The following TONSL variants were observed in gnomAD, a reference collection of about 807,000 sequenced individuals.
TONSL encodes the protein tonsoku like, DNA repair protein, also known as tonsoku-like protein.
TONSL carries 112 observed loss-of-function variants against 147.1 expected under a neutral mutation model. The observed-to-expected ratio is 0.76, with a 90% confidence interval of 0.65 to 0.89. TONSL has a LOEUF of 0.89. Ranked by LOEUF, TONSL falls within the 40% of genes least tolerant of loss-of-function variation. The pLI is 0.00. For missense variants in TONSL, 1,883 were observed against 1,864.6 expected, an observed-to-expected ratio of 1.01 and a Z score of -0.18; for synonymous variants, 868 against 801.5, an observed-to-expected ratio of 1.08 and a Z score of -1.40.
intron 2 of TONSL, 67 bp from the exon 3 acceptor site, chr8:144,444,091 G>C: frequency 7.5e-7 from 1 of 1,331,226 alleles, no homozygotes; most frequent in Non-Finnish European, 9.6e-7. Flanking sequence ...GGCGGCGTCT[G>C]CCGGAAGAGC....
rs771962843 is a variant in TONSL at position 144,435,587 on chromosome 8, A to C, written c.2776-37T>G. Reference sequence around the variant, plus strand: ...AGGCAGCAGGGCTGAGTCAGGAGCCACAGTGGGCTCCACCCTACACCTGCC... The same window carrying C: ...AGGCAGCAGGGCTGAGTCAGGAGCCCCAGTGGGCTCCACCCTACACCTGCC... On this transcript the variant is annotated intron_variant, in intron 17 of 25. Coordinates refer to ENST00000409379, the MANE Select transcript of TONSL (RefSeq NM_013432.5). 1.3e-5 allele frequency: 20 copies of C among 1,564,274 alleles called. No homozygotes were observed. In the African/African-American group the frequency reaches 2.6e-4, roughly 20 times the overall value.
chr8:144,440,089 G>C lies in TONSL; in HGVS notation c.1412C>G (p.Ala471Gly). The change falls in exon 11 of 26, where the codon GCG becomes GGG. Residue 471 changes from alanine (A) to glycine (G), a missense_variant. Coordinates refer to ENST00000409379, the MANE Select transcript of TONSL (RefSeq NM_013432.5). ...VAEDEDEEEE[A>G]EEAAATAESE... ...CTCCGCTGTGGCTGCCGCCTCCTCC[G>C]CCTCCTCCTCCTCATCTTCATCTTC... 1.9e-6 allele frequency: 3 copies of C among 1,605,098 alleles called. No individual in the cohort carries two copies. The highest frequency in any genetic ancestry group is 2.6e-6 in the Non-Finnish European group (3 of 1,173,642).
In TONSL at chr8:144,436,928, C is replaced by T; in HGVS notation, c.1727-8G>A. The T allele has an allele frequency of 2.5e-6, 4 of 1,609,382 alleles. No individual in the cohort carries two copies. Among genetic ancestry groups the T allele is most frequent in the Non-Finnish European group, 3.4e-6 (4 of 1,178,850 alleles). On this transcript the variant is annotated splice_polypyrimidine_tract_variant and splice_region_variant and intron_variant, in intron 14 of 25. Coordinates refer to ENST00000409379, the MANE Select transcript of TONSL (RefSeq NM_013432.5). ...GCAGGAAGCGGACAATTTCTGCAGA[C>T]CAGGAGACGTAAGCCCAGCTCCCGA...
chr8:144,439,160 A>G (rs1823602332), intron 11 of TONSL, among the ~76,000 whole-genome samples: 1 of 151,804 alleles, frequency 6.6e-6, no homozygotes, highest in African/African-American at 2.4e-5. Flanking sequence ...TCAGCCCTGG[A>G]GCCTGGGTAT....
At chr8:144,439,802 C>T (rs1232449122) in intron 11 of TONSL, 4 of 546,702 alleles carry the variant, frequency 7.3e-6, no homozygotes, top group Non-Finnish European at 1.3e-5. Flanking sequence ...GACACTCACT[C>T]GACTCCCAAC....
rs1823447464 is a variant in TONSL at position 144,436,163 on chromosome 8, T to C, written c.2270A>G (p.Gln757Arg). 1.9e-6 allele frequency: 3 copies of C among 1,574,916 alleles called. No individual in the cohort carries two copies. The highest frequency in any genetic ancestry group is 1.7e-4 in the Middle Eastern group (1 of 6,000). ...TGTGGCCGAGCACCGAGGCCTCTTC[T>C]GGGACGGCCGTGCGGGGCCTGCGCT... ...EDSAGPARPS[Q>R]KRPRCSATAQ... Residue 757 changes from glutamine to arginine, a missense_variant, in exon 17 of 26, where the codon CAG becomes CGG. Transcript: ENST00000409379.
intron 16 of TONSL, 51 bp from the exon 17 acceptor site, chr8:144,436,469 C>T: frequency 6.4e-7 from 1 of 1,551,498 alleles, no homozygotes. Context: ...CCTCCCGCTC[C>T]ACCTGTGATG....
chr8:144,438,126 C>T (rs1823549255), intron 13 of TONSL: 1 of 338,724 alleles, frequency 3.0e-6, no homozygotes, highest in Non-Finnish European at 5.5e-6. Flanking sequence ...GTCTCGAACT[C>T]CTGGGCTCAT....
chr8:144,443,375 GC>G (rs1276689561), intron 3 of TONSL, 54 bp from the exon 4 acceptor site: 25 of 1,488,862 alleles, frequency 1.7e-5, no homozygotes, highest in Admixed American at 8.1e-5. Context: ...AAGCAAACCG[GC>G]ACCGCCAGAT....
At position 144,442,800 on chromosome 8, in the gene TONSL, A is replaced by G. The variant is rs1385559782; in HGVS notation, c.455T>C (p.Leu152Pro). The G allele has an allele frequency of 4.3e-6, 7 of 1,611,284 alleles. No individual in the cohort carries two copies. The highest frequency in any genetic ancestry group is 5.1e-6 in the Non-Finnish European group (6 of 1,179,170). Reference sequence around the variant, plus strand: ...CATCTCATTCAGCTCTCCCTGGGCCAGTGTCCCTGGAAGATACCCCCCCAA... The same window carrying G: ...CATCTCATTCAGCTCTCCCTGGGCCGGTGTCCCTGGAAGATACCCCCCCAA... The part of the protein sequence containing the change: ...AIVDEELEGT[L>P]AQGELNEMRT... The change falls in exon 5 of 26, where the codon CTG becomes CCG. Residue 152 changes from leucine (L) to proline (P), a missense_variant. Physicochemically the swap from Leu to Pro is moderately conservative, Grantham distance 98 (BLOSUM62 -3). Coordinates refer to ENST00000409379, the MANE Select transcript of TONSL (RefSeq NM_013432.5).
At chr8:144,430,835 C>T (rs377351069) in intron 24 of TONSL, among the ~76,000 whole-genome samples, 1 of 152,204 alleles carries the variant, frequency 6.6e-6, no homozygotes, top group East Asian at 1.9e-4. Context: ...GGCCGAGGCA[C>T]AGGAATGACA....
In TONSL at chr8:144,432,359, AGTGCAGGAGG is replaced by A; in HGVS notation, c.3651_3660del (p.Leu1218Ter). 6.2e-7 allele frequency: 1 copy of A among 1,613,502 alleles called. No homozygotes were observed. Among genetic ancestry groups the A allele is most frequent in the Non-Finnish European group, 8.5e-7 (1 of 1,179,864 alleles). ...CCGGCTGCCACGGAGCTGAGCTCTA[AGTGCAGGAGG>A]GTGCCGGCGGGCAGGCTCTGCAGGG... On this transcript the variant is annotated frameshift_variant, in exon 23 of 26. Transcript: ENST00000409379. LOFTEE classifies it high-confidence loss of function.
At chr8:144,442,890 C>T (rs548006194) in intron 4 of TONSL, 84 bp from the exon 5 acceptor site, 9 of 1,502,002 alleles carry the variant, frequency 6.0e-6, no homozygotes, top group Admixed American at 2.3e-5. Context: ...GCCTGTGCAG[C>T]GCCTCTCCTA....
At chr8:144,433,269 C>T (rs373668060) in intron 22 of TONSL, 17 of 221,072 alleles carry the variant, frequency 7.7e-5, no homozygotes, top group African/African-American at 3.3e-4. Context: ...ATAGAGACGG[C>T]GTTTCACCGT....
rs1222541606 is a variant in TONSL at position 144,433,244 on chromosome 8, C to T, written c.3559+344G>A. The stretch of plus-strand genomic sequence containing the variant: ...TACAGGCACCGGCCACCACGCCCAG[C>T]TAATTGTATTTTTAATAGAGACGGC... On this transcript the variant is annotated intron_variant, in intron 22 of 25. Transcript: ENST00000409379. 2.0e-5 allele frequency: 4 copies of T among 198,024 alleles called. 1 individual carries two copies. In the South Asian group the frequency reaches 2.4e-4, roughly 12 times the overall value. The allele number at this position is 198,024 out of a possible 1,614,324, so 12.3% of individuals were successfully genotyped here. A position where few individuals can be genotyped will look rare whatever the true frequency, so the allele number is the denominator to read the frequency against.
At position 144,436,813 on chromosome 8, in the gene TONSL, C is replaced by T. The variant is rs376621492; in HGVS notation, c.1834G>A (p.Glu612Lys). The change falls in exon 15 of 26, where the codon GAG becomes AAG. Residue 612 changes from glutamate to lysine, a missense_variant. Physicochemically the swap from Glu to Lys is moderately conservative, Grantham distance 56. Coordinates refer to ENST00000409379, the MANE Select transcript of TONSL (RefSeq NM_013432.5). ...CGTTCAAGCAGCAGCTCAGCCACCT[C>T]GAAGTGGCCACAGTTGAGGGCATCG... Reference protein sequence around the residue: ...LHDALNCGHFEVAELLLERGA... With the variant: ...LHDALNCGHFKVAELLLERGA... The T allele has an allele frequency of 2.0e-5, 33 of 1,611,410 alleles. No homozygotes were observed. Among genetic ancestry groups the T allele is most frequent in the Admixed American group, 3.3e-5 (2 of 59,998 alleles).
At chr8:144,442,464 T>A (rs1214138815) in intron 5 of TONSL, 52 bp from the exon 6 acceptor site, 2 of 1,508,026 alleles carry the variant, frequency 1.3e-6, no homozygotes, top group African/African-American at 2.8e-5. Flanking sequence ...TGACAGCTGC[T>A]GATGCCACAC....
chr8:144,433,275 A>T, intron 22 of TONSL: 1 of 230,408 alleles, frequency 4.3e-6, no homozygotes, highest in Non-Finnish European at 8.7e-6. Context: ...ACGGCGTTTC[A>T]CCGTGTTAGC....
Position 144,435,460 on chromosome 8 carries a change from A to G in TONSL, c.2852+14T>C, listed in dbSNP as rs1823405091. On this transcript the variant is annotated intron_variant, in intron 18 of 25. Transcript: ENST00000409379. ...GCACAGGTGGGCTGCGGGGTAGGGC[A>G]GGCGATGCCTCACCTGTGTGGGACA... 1 of 1,534,836 alleles carries G rather than the reference A, an allele frequency of 6.5e-7. No individual in the cohort carries two copies. The highest frequency in any genetic ancestry group is 8.8e-7 in the Non-Finnish European group (1 of 1,136,950).
Sources: allele counts gnomAD v4.1 joint callset (sites outside exome capture counted in the v4.1 genomes callset), GRCh38; gene constraint gnomAD v4.1.1; transcripts MANE v1.5; gene names NCBI Gene and HGNC (gene_info 2026-07-23, HGNC 2026-07-21).